EPM2A: variants seen among roughly 807,000 people sequenced by gnomAD.
EPM2A encodes the protein laforin.
In EPM2A, 21 loss-of-function variants were observed where a neutral mutation model predicts 26.5. The observed-to-expected ratio is 0.79, with a 90% CI of 0.56 to 1.14. EPM2A has a LOEUF of 1.14. Among genes scored for constraint, EPM2A ranks in the 50% most tolerant of loss-of-function variants. EPM2A has a pLI of 0.00. For missense variants in EPM2A, 458 were observed against 440.8 expected, an observed-to-expected ratio of 1.04 and a Z score of -0.35; for synonymous variants, 217 against 177.6, an observed-to-expected ratio of 1.22 and a Z score of -1.76.
intron 2 of EPM2A, among the ~76,000 whole-genome samples, chr6:145,571,471 G>T (rs1303750942): frequency 2.6e-5 from 4 of 152,212 alleles, no homozygotes; most frequent in African/African-American, 9.7e-5. Context: ...CATTCTGTGA[G>T]TCCATGGATG....
At chr6:145,664,926 C>T (rs1253777889) in intron 2 of EPM2A, among the ~76,000 whole-genome samples, 13 of 145,118 alleles carry the variant, frequency 9.0e-5, no homozygotes, top group Admixed American at 2.8e-4. Context: ...GGGTACATAA[C>T]GAAATGAAGG....
intron 1 of EPM2A, among the ~76,000 whole-genome samples, chr6:145,696,705 C>T (rs926981402): frequency 6.7e-6 from 1 of 149,584 alleles, no homozygotes; most frequent in Non-Finnish European, 1.5e-5. Context: ...TTTGGAGGAT[C>T]AGGAAAGAAA....
intron 4 of EPM2A, among the ~76,000 whole-genome samples, chr6:145,390,573 C>CTCTCTCTT (rs1778324409): frequency 6.6e-6 from 1 of 151,848 alleles, no homozygotes. Flanking sequence ...TTCTCTCTCT[C>CTCTCTCTT]TCTCTCTCTC....
chr6:145,444,044 G>C (rs1779100647), intron 4 of EPM2A, among the ~76,000 whole-genome samples: 2 of 152,230 alleles, frequency 1.3e-5, no homozygotes, highest in South Asian at 4.1e-4. Context: ...GCGTAAAAAT[G>C]GACTAATGCA....
At chr6:145,735,628 G>A, upstream of EPM2A, 1 of 1,082,516 alleles carries the variant, frequency 9.2e-7, no homozygotes. Context: ...AACACGTGCT[G>A]TTCTGCGCCT....
At chr6:145,493,742 A>G (rs546715778) in intron 4 of EPM2A, among the ~76,000 whole-genome samples, 42 of 152,320 alleles carry the variant, frequency 2.8e-4, no homozygotes, top group Admixed American at 3.9e-4. Flanking sequence ...ATCTATTGAG[A>G]TAATCACGTG....
In EPM2A at chr6:145,480,623, CAA is replaced by C. The variant is rs1779602112; in HGVS notation, c.555+21897_555+21898del. On this transcript the variant is annotated intron_variant, in intron 4 of 4. Transcript: ENST00000638717. The stretch of plus-strand genomic sequence containing the variant: ...AGTGTTTGACTTGTACAATCAAGTC[CAA>C]TTTACCTTTTTCCTTACTATATCTT... 2.5e-4 allele frequency among the ~76,000 whole-genome samples: 38 copies of C among 151,992 alleles called. 1 individual carries two copies. Among genetic ancestry groups the C allele is most frequent in the Admixed American group, 2.5e-3 (38 of 15,234 alleles).
chr6:145,680,237 T>A (rs1462512854), intron 2 of EPM2A: 1 of 151,848 alleles, frequency 6.6e-6, no homozygotes, highest in Non-Finnish European at 1.5e-5. Flanking sequence ...TTTAAACACA[T>A]GTTTAAAGAA....
chr6:145,731,870 T>A (rs1776505407), intron 1 of EPM2A, among the ~76,000 whole-genome samples: 1 of 152,130 alleles, frequency 6.6e-6, no homozygotes, highest in African/African-American at 2.4e-5. Flanking sequence ...TAAAACAGAC[T>A]GCTAACAGGA....
At chr6:145,502,496 C>T (rs1421013513) in intron 3 of EPM2A, 4 of 469,038 alleles carry the variant, frequency 8.5e-6, no homozygotes, top group African/African-American at 8.0e-5. Flanking sequence ...AAGCTGCTCA[C>T]TGGGAGGAGG....
At chr6:145,433,764 T>G (rs1778951405) in intron 4 of EPM2A, among the ~76,000 whole-genome samples, 1 of 152,150 alleles carries the variant, frequency 6.6e-6, no homozygotes, top group South Asian at 2.1e-4. Flanking sequence ...ACCTGCTAAA[T>G]TCAAAATTTT....
chr6:145,415,690 G>A (rs1440010760), intron 4 of EPM2A, among the ~76,000 whole-genome samples: 4 of 152,066 alleles, frequency 2.6e-5, no homozygotes, highest in Non-Finnish European at 5.9e-5. Context: ...ACAAAGTACT[G>A]TAATGTACAT....
chr6:145,672,846 A>C (rs1328489784), intron 2 of EPM2A, among the ~76,000 whole-genome samples: 2 of 152,224 alleles, frequency 1.3e-5, no homozygotes, highest in Non-Finnish European at 2.9e-5. Flanking sequence ...TGTCTAGGAA[A>C]AAAAAGTAGT....
chr6:145,675,193 T>C (rs1779938635), intron 2 of EPM2A, among the ~76,000 whole-genome samples: 1 of 152,146 alleles, frequency 6.6e-6, no homozygotes, highest in Admixed American at 6.6e-5. Flanking sequence ...CTAAGCTTCA[T>C]AAGTGAAGGA....
At chr6:145,445,930 G>C (rs1210192266) in intron 4 of EPM2A, among the ~76,000 whole-genome samples, 3 of 152,094 alleles carry the variant, frequency 2.0e-5, no homozygotes, top group African/African-American at 4.8e-5. Flanking sequence ...TATGTTATTG[G>C]TGGTCTTACA....
chr6:145,726,084 A>G (rs1459233928), intron 1 of EPM2A, among the ~76,000 whole-genome samples: 1 of 152,030 alleles, frequency 6.6e-6, no homozygotes, highest in Non-Finnish European at 1.5e-5. Context: ...GCGTGGAGGA[A>G]GGAGACATAA....
At chr6:145,402,538 T>C (rs1442783897) in intron 4 of EPM2A, among the ~76,000 whole-genome samples, 1 of 152,190 alleles carries the variant, frequency 6.6e-6, no homozygotes, top group African/African-American at 2.4e-5. Flanking sequence ...GTAGTACCAA[T>C]ATTAATTTCC....
intron 4 of EPM2A, among the ~76,000 whole-genome samples, chr6:145,447,083 A>G (rs1779136967): frequency 6.6e-6 from 1 of 152,094 alleles, no homozygotes; most frequent in Non-Finnish European, 1.5e-5. Flanking sequence ...TCAGTATGGT[A>G]CTGAGAGCAA....
chr6:145,400,792 ACCATAAATTCT>A (rs1172292655), intron 4 of EPM2A, among the ~76,000 whole-genome samples: 1 of 120,290 alleles, frequency 8.3e-6, no homozygotes, highest in Admixed American at 9.0e-5. Context: ...CAAACTGTTC[ACCATAAATTCT>A]TGTCTCTTCT....
Sources: gnomAD v4.1 joint callset for allele counts (sites outside exome capture counted in the v4.1 genomes callset) on GRCh38, gnomAD v4.1.1 for gene constraint, MANE v1.5 for transcripts, NCBI Gene and HGNC (gene_info 2026-07-23, HGNC 2026-07-21) for gene names.